The following DDX3X variants were observed in gnomAD, a reference collection of about 807,000 sequenced individuals.
DDX3X encodes DEAD-box helicase 3 X-linked, also known as ATP-dependent RNA helicase DDX3X.
A neutral mutation model predicts 52.7 loss-of-function variants in DDX3X; 4 were observed. The ratio of observed to expected loss-of-function variants is 0.08; its 90% CI spans 0.04 to 0.17. DDX3X has a LOEUF of 0.17. Among genes scored for constraint, DDX3X ranks in the 10% least tolerant of loss-of-function variants. The pLI, the probability that DDX3X is intolerant of heterozygous loss-of-function variation, is 1.00. For synonymous variants in DDX3X, 192 were observed against 178.1 expected (o/e 1.08, Z -0.62); for missense variants, 222 against 548.6 (o/e 0.40, Z 5.95).
rs764909933 is a variant in DDX3X at position 41,347,324 on chromosome X, T to C, written c.1782T>C (p.Ser594=). 11 of 1,207,488 alleles carry C rather than the reference T, an allele frequency of 9.1e-6. No individual in the cohort carries two copies. The highest frequency in any genetic ancestry group is 1.1e-5 in the Non-Finnish European group (10 of 893,320). The change falls in exon 16 of 17, where the codon AGT becomes AGC. Residue 594 remains serine (S), a synonymous_variant. Coordinates refer to ENST00000644876, the MANE Select transcript of DDX3X (RefSeq NM_001356.5). ...TTTTTTCTTATAGTAGCAGATTTAG[T>C]GGAGGGTTTGGTGCCAGAGACTACC... is the stretch of plus-strand genomic sequence containing the variant. ...SRGRSKSSRF[S]GGFGARDYRQ...
chrX:41,358,477 ATCT>A (rs899597787), intron 5 of DDX3X, among the ~76,000 whole-genome samples: 1 of 111,898 alleles, frequency 8.9e-6, no homozygotes, highest in African/African-American at 3.2e-5. Context: ...TTTCAGTTTC[ATCT>A]TCTTAAAACT....
chrX:41,341,465 T>C lies in DDX3X; in HGVS notation c.152-19T>C, dbSNP rs769031608. ...TTTCTAATTAATAATAAAATGTATT[T>C]GTGCTTTTTTAATCAAAGGTTTCTA... is the stretch of plus-strand genomic sequence containing the variant. On this transcript the variant is annotated intron_variant, in intron 3 of 16. Transcript: ENST00000644876. 2.6e-5 allele frequency: 30 copies of C among 1,169,695 alleles called. No individual in the cohort carries two copies. Among genetic ancestry groups the C allele is most frequent in the Non-Finnish European group, 3.4e-5 (29 of 863,275 alleles).
intron 3 of DDX3X, 154 bp from the exon 4 acceptor site, chrX:41,341,330 C>A: frequency 2.3e-6 from 1 of 434,535 alleles, no homozygotes; most frequent in Non-Finnish European, 3.8e-6. Context: ...AAAACTTTGT[C>A]CGGGTGTAAA....
chrX:41,344,340 C>A lies in DDX3X; in HGVS notation c.966C>A (p.Ala322=). 4.1e-6 allele frequency: 5 copies of A among 1,211,541 alleles called. No individual in the cohort carries two copies. Among genetic ancestry groups the A allele is most frequent in the Non-Finnish European group, 5.6e-6 (5 of 895,165 alleles). Residue 322 remains alanine (A), a synonymous_variant, in exon 10 of 17, where the codon GCC becomes GCA. Transcript: ENST00000644876. The part of the protein sequence containing the change: ...DLERGCHLLV[A]TPGRLVDMME... ...AACGTGGATGCCATTTGTTAGTAGC[C>A]ACTCCAGGACGTCTAGTGGATATGA... is the stretch of plus-strand genomic sequence containing the variant.
At chrX:41,334,507 C>A in intron 1 of DDX3X, 2 of 1,094,919 alleles carry the variant, frequency 1.8e-6, no homozygotes, top group East Asian at 3.4e-5. Context: ...GTATTGTCCC[C>A]GGGACGAGCA....
At chrX:41,336,927 G>C (rs942955468) in intron 1 of DDX3X, among the ~76,000 whole-genome samples, 1 of 111,826 alleles carries the variant, frequency 8.9e-6, no homozygotes, top group African/African-American at 3.3e-5. Context: ...TTCGAAATTT[G>C]TCCTGACATT....
Position 41,343,937 on chromosome X carries a change from CTG to C in DDX3X, c.766-91_766-90del, listed in dbSNP as rs754843761. 1.4e-5 allele frequency: 14 copies of C among 996,745 alleles called. No individual in the cohort carries two copies. In the East Asian group the frequency reaches 4.5e-4, roughly 32 times the overall value. 82.1% of individuals were successfully genotyped at this position (996,745 alleles called of 1,213,427 possible). ...ATGAAAACCAGTTTTCAAGTGTAAT[CTG>C]TAATCTATAAATTACAAAAGGGAAT... On this transcript the variant is annotated intron_variant, in intron 8 of 16. Transcript: ENST00000644876.
At chrX:41,343,644 AATT>A in intron 7 of DDX3X, 90 bp from the exon 8 acceptor site, 1 of 807,256 alleles carries the variant, frequency 1.2e-6, no homozygotes, top group Non-Finnish European at 1.8e-6. Context: ...TAAAAGTACT[AATT>A]ATTAGTAATA....
intron 15 of DDX3X, 111 bp from the exon 16 acceptor site, chrX:41,347,201 G>T: frequency 1.0e-6 from 1 of 985,129 alleles, no homozygotes; most frequent in East Asian, 3.1e-5. Context: ...AAATATGGCT[G>T]GATGGGGAAT....
downstream of DDX3X, among the ~76,000 whole-genome samples, chrX:41,355,213 C>T (rs1416320929): frequency 8.9e-6 from 1 of 111,796 alleles, no homozygotes; most frequent in Non-Finnish European, 1.9e-5. Context: ...CGGTTTGTGA[C>T]TTACAAATAA....
At position 41,348,229 on chromosome X, in the gene DDX3X, G is replaced by C. The variant is rs2063950636; in HGVS notation, c.*510G>C. On this transcript the variant is annotated 3_prime_UTR_variant, in exon 17 of 17. Transcript: ENST00000644876. Reference sequence around the variant, plus strand: ...AAAACTTATGCGGTAGCCTGCATTAGGGCTTTTTGATACTTGCAGATTGGG... The same window carrying C: ...AAAACTTATGCGGTAGCCTGCATTACGGCTTTTTGATACTTGCAGATTGGG... 2 of 171,139 alleles carry C rather than the reference G, an allele frequency of 1.2e-5. No homozygotes were observed. Among genetic ancestry groups the C allele is most frequent in the Admixed American group, 8.1e-5 (1 of 12,398 alleles). 14.1% of individuals were successfully genotyped at this position (171,139 alleles called of 1,213,427 possible). A position where few individuals can be genotyped will look rare whatever the true frequency, so the allele number is the denominator to read the frequency against.
intron 1 of DDX3X, chrX:41,335,772 C>A (rs777968884): frequency 8.9e-6 from 1 of 112,156 alleles, no homozygotes; most frequent in Admixed American, 9.5e-5. Context: ...ATATTAAATC[C>A]TCTAATTGCT....
intron 5 of DDX3X, among the ~76,000 whole-genome samples, chrX:41,360,380 A>G (rs1428349754): frequency 9.2e-5 from 10 of 108,290 alleles, no homozygotes; most frequent in African/African-American, 3.0e-4. Context: ...TCTGTCTCAA[A>G]AAAAAAAAAA....
chrX:41,333,607 G>T (rs2063708216), upstream of DDX3X: 1 of 110,903 alleles, frequency 9.0e-6, no homozygotes, highest in African/African-American at 3.3e-5. Flanking sequence ...CCCACTAAGG[G>T]GAGGCTACCC....
downstream of DDX3X, among the ~76,000 whole-genome samples, chrX:41,353,229 A>G (rs1027268291): frequency 5.9e-5 from 6 of 102,369 alleles, no homozygotes; most frequent in East Asian, 1.9e-3. Context: ...CGAGGCAGGC[A>G]GATCACGAGG....
chrX:41,356,038 A>G (rs754257196), intron 5 of DDX3X, among the ~76,000 whole-genome samples: 1 of 111,255 alleles, frequency 9.0e-6, no homozygotes, highest in South Asian at 3.7e-4. Context: ...ATTTTCTCTC[A>G]ATCAAAGTCG....
chrX:41,344,077 A>G lies in DDX3X; in HGVS notation c.813A>G (p.Val271=). 8.3e-7 allele frequency: 1 copy of G among 1,209,316 alleles called. No individual in the cohort carries two copies. Among genetic ancestry groups the G allele is most frequent in the African/African-American group, 1.7e-5 (1 of 57,715 alleles). The change falls in exon 9 of 17, where the codon GTA becomes GTG. Residue 271 remains valine, a synonymous_variant. Transcript: ENST00000644876. ...GRRKQYPISL[V]LAPTRELAVQ... ...GCAAACAATACCCAATCTCCTTGGT[A>G]TTAGCACCAACGAGAGAGTTGGCAG...
intron 5 of DDX3X, among the ~76,000 whole-genome samples, chrX:41,362,742 T>C (rs1404736224): frequency 1.8e-5 from 2 of 111,999 alleles, no homozygotes; most frequent in Admixed American, 9.6e-5. Flanking sequence ...GTCTCTTCCC[T>C]ATGGGAGGTG....
chrX:41,346,800 A>C (rs2063931637), intron 14 of DDX3X, 59 bp from the exon 15 acceptor site: 77 of 1,060,012 alleles, frequency 7.3e-5, no homozygotes, highest in Non-Finnish European at 9.7e-5. Flanking sequence ...AAGTAAGAAT[A>C]GTAGCAAGTT....
Sources: allele counts gnomAD v4.1 joint callset (sites outside exome capture counted in the v4.1 genomes callset), GRCh38; gene constraint gnomAD v4.1.1; transcripts MANE v1.5; gene names NCBI Gene and HGNC (gene_info 2026-07-23, HGNC 2026-07-21).